Variants in CADM1 observed in about 807,000 individuals in gnomAD.
The protein encoded by CADM1 is cell adhesion molecule 1, also known as TSLC-1.
In CADM1, 15 loss-of-function variants were observed where a neutral mutation model predicts 53.1. That is an observed-to-expected ratio of 0.28 (90% CI 0.19 to 0.44). The LOEUF (loss-of-function observed/expected upper bound fraction) is 0.44, where lower values mean the gene tolerates loss of function less well. Among genes scored for constraint, CADM1 ranks in the 20% least tolerant of loss-of-function variants. The probability of loss-of-function intolerance (pLI) is 1.00; values close to 1 mark genes in which losing one functional copy is unlikely to be tolerated. For synonymous variants in CADM1, 281 were observed against 243.0 expected (o/e 1.16, Z -1.45); for missense variants, 434 against 611.3 (o/e 0.71, Z 3.06).
At position 115,170,783 on chromosome 11, in the gene CADM1, G is replaced by A. The variant is rs561117275; in HGVS notation, c.*5691C>T. On this transcript the variant is annotated 3_prime_UTR_variant, in exon 12 of 12. Coordinates refer to ENST00000331581, the MANE Select transcript of CADM1 (RefSeq NM_001301043.2). Reference sequence around the variant, plus strand: ...GCTTTGCTTGGCCATTACCCAAAATGATATTCCCTGATACTATTCCAGTGG... The same window carrying A: ...GCTTTGCTTGGCCATTACCCAAAATAATATTCCCTGATACTATTCCAGTGG... 3 of 151,972 alleles carry A rather than the reference G, an allele frequency of 2.0e-5. No homozygotes were observed. Among genetic ancestry groups the A allele is most frequent in the Non-Finnish European group, 2.9e-5 (2 of 67,886 alleles). 9.4% of individuals were successfully genotyped at this position (151,972 alleles called of 1,614,324 possible). A position where few individuals can be genotyped will look rare whatever the true frequency, so the allele number is the denominator to read the frequency against.
chr11:115,472,700 T>C (rs1036355534), intron 1 of CADM1, among the ~76,000 whole-genome samples: 14 of 152,338 alleles, frequency 9.2e-5, no homozygotes, highest in African/African-American at 3.1e-4. Flanking sequence ...AGCCCATCTG[T>C]GTTCTCACAT....
intron 1 of CADM1, among the ~76,000 whole-genome samples, chr11:115,343,880 T>C (rs1012259076): frequency 2.2e-4 from 33 of 152,156 alleles, no homozygotes; most frequent in African/African-American, 6.3e-4. Context: ...GGAGTTACGA[T>C]TGAGTTTCTT....
intron 1 of CADM1, among the ~76,000 whole-genome samples, chr11:115,429,404 C>T (rs1229741510): frequency 1.3e-5 from 2 of 151,862 alleles, no homozygotes; most frequent in Non-Finnish European, 2.9e-5. Flanking sequence ...GAGCTCGAGA[C>T]GAGTCTGAAC....
intron 1 of CADM1, among the ~76,000 whole-genome samples, chr11:115,285,763 A>AGCTCTC (rs2135093736): frequency 6.6e-6 from 1 of 152,220 alleles, no homozygotes; most frequent in East Asian, 1.9e-4. Flanking sequence ...GGAGCTTCTG[A>AGCTCTC]GCTCTCGGTG....
At chr11:115,390,670 TAA>T (rs750873925) in intron 1 of CADM1, among the ~76,000 whole-genome samples, 21 of 111,000 alleles carry the variant, frequency 1.9e-4, no homozygotes, top group East Asian at 2.5e-4. Flanking sequence ...AGGCTACTCT[TAA>T]AAAAAAAAAA....
intron 1 of CADM1, among the ~76,000 whole-genome samples, chr11:115,380,696 A>C (rs1946554085): frequency 6.6e-6 from 1 of 152,174 alleles, no homozygotes; most frequent in African/African-American, 2.4e-5. Context: ...GCTAAAGAGG[A>C]GACAGTGAGA....
intron 1 of CADM1, among the ~76,000 whole-genome samples, chr11:115,392,447 A>C (rs1046557169): frequency 6.6e-6 from 1 of 152,074 alleles, no homozygotes; most frequent in Non-Finnish European, 1.5e-5. Flanking sequence ...CTCTACTCTA[A>C]AAAGCCTATT....
chr11:115,209,522 A>T, intron 8 of CADM1, 52 bp downstream of exon 8: 2 of 1,610,782 alleles, frequency 1.2e-6, no homozygotes, highest in Non-Finnish European at 1.7e-6. Flanking sequence ...TATACATACC[A>T]GAAAGACAAT....
At chr11:115,398,382 T>C (rs1311501169) in intron 1 of CADM1, among the ~76,000 whole-genome samples, 1 of 152,226 alleles carries the variant, frequency 6.6e-6, no homozygotes, top group Non-Finnish European at 1.5e-5. Flanking sequence ...CTTATGCCAC[T>C]GGATTAGAGG....
intron 1 of CADM1, among the ~76,000 whole-genome samples, chr11:115,496,847 C>T (rs1341732455): frequency 6.6e-6 from 1 of 152,056 alleles, no homozygotes; most frequent in Non-Finnish European, 1.5e-5. Flanking sequence ...ACCAGGATGT[C>T]AATGGTGTCA....
At chr11:115,189,976 A>G (rs1198989268) in intron 10 of CADM1, among the ~76,000 whole-genome samples, 3 of 152,230 alleles carry the variant, frequency 2.0e-5, no homozygotes, top group Admixed American at 1.3e-4. Context: ...GGTCAGACTT[A>G]TAGTTAAGGA....
intron 9 of CADM1, among the ~76,000 whole-genome samples, chr11:115,193,469 T>G (rs1939993641): frequency 6.6e-6 from 1 of 152,212 alleles, no homozygotes; most frequent in African/African-American, 2.4e-5. Flanking sequence ...ATTTAACTTT[T>G]TCATGGTGCT....
rs929947834 is a variant in CADM1, at chr11:115,171,113, G to C, written c.*5361C>G. On this transcript the variant is annotated 3_prime_UTR_variant, in exon 12 of 12. Transcript: ENST00000331581. Reference sequence around the variant, plus strand: ...GAGTCCCTTCTTTCTTCTCCTGTACGGGGGGCCAGCGCTTCAAAAACTATA... The same window carrying C: ...GAGTCCCTTCTTTCTTCTCCTGTACCGGGGGCCAGCGCTTCAAAAACTATA... 1 of 152,220 alleles carries C rather than the reference G, an allele frequency of 6.6e-6. No individual in the cohort carries two copies. Among genetic ancestry groups the C allele is most frequent in the Admixed American group, 6.5e-5 (1 of 15,280 alleles). 9.4% of individuals were successfully genotyped at this position (152,220 alleles called of 1,614,324 possible). A position where few individuals can be genotyped will look rare whatever the true frequency, so the allele number is the denominator to read the frequency against.
In CADM1 at chr11:115,328,709, T is replaced by C. The variant is rs12808930; in HGVS notation, c.125-88289A>G. Among the ~76,000 whole-genome samples the C allele has an allele frequency of 3.5e-3, 152 of 43,868 alleles. 28 individuals carry two copies. Among genetic ancestry groups the C allele is most frequent in the African/African-American group, 0.012 (118 of 10,056 alleles). The allele number at this position is 43,868 out of a possible 152,430, so 28.8% of individuals were successfully genotyped here. A position where few individuals can be genotyped will look rare whatever the true frequency, so the allele number is the denominator to read the frequency against. ...ATATATGTGTATATATATGTATATATATATGTGTATATATATGTATATACA... is the reference window on the plus strand; with the variant it reads ...ATATATGTGTATATATATGTATATACATATGTGTATATATATGTATATACA... On this transcript the variant is annotated intron_variant, in intron 1 of 11. Coordinates refer to ENST00000331581, the MANE Select transcript of CADM1 (RefSeq NM_001301043.2).
intron 1 of CADM1, among the ~76,000 whole-genome samples, chr11:115,444,585 T>C (rs1278429389): frequency 6.6e-6 from 1 of 152,236 alleles, no homozygotes; most frequent in African/African-American, 2.4e-5. Flanking sequence ...TGTTGGCATC[T>C]GAACATACAC....
chr11:115,257,163 G>GT (rs201899130), intron 1 of CADM1, among the ~76,000 whole-genome samples: 74 of 151,412 alleles, frequency 4.9e-4, no homozygotes, highest in African/African-American at 1.2e-3. Context: ...TTTTAAAAAA[G>GT]TTTTTTTTTA....
chr11:115,461,252 T>G (rs1948789280), intron 1 of CADM1, among the ~76,000 whole-genome samples: 1 of 152,120 alleles, frequency 6.6e-6, no homozygotes, highest in Admixed American at 6.5e-5. Flanking sequence ...TCACAAAAAA[T>G]AATAATGTAG....
intron 1 of CADM1, among the ~76,000 whole-genome samples, chr11:115,314,228 T>G (rs2135169998): frequency 6.6e-6 from 1 of 151,904 alleles, no homozygotes; most frequent in South Asian, 2.1e-4. Context: ...TCAAAGCTCA[T>G]GGGGAAATAC....
At chr11:115,490,544 G>A (rs570279983) in intron 1 of CADM1, among the ~76,000 whole-genome samples, 1 of 151,822 alleles carries the variant, frequency 6.6e-6, no homozygotes, top group South Asian at 2.1e-4. Flanking sequence ...GACTACAGGC[G>A]CCTACCACCA....
Sources: gnomAD v4.1 joint callset for allele counts (sites outside exome capture counted in the v4.1 genomes callset) on GRCh38, gnomAD v4.1.1 for gene constraint, MANE v1.5 for transcripts, NCBI Gene and HGNC (gene_info 2026-07-23, HGNC 2026-07-21) for gene names.